Variants in PHF10 observed in about 807,000 individuals in gnomAD.
The protein encoded by PHF10 is BRG1-associated factor 45a.
In PHF10, 51 loss-of-function variants were observed where a neutral mutation model predicts 68.5. That is an observed-to-expected ratio of 0.74 (90% confidence interval 0.59 to 0.94). The LOEUF (loss-of-function observed/expected upper bound fraction) is 0.94, where lower values mean the gene tolerates loss of function less well. Among genes scored for constraint, PHF10 ranks in the 40% least tolerant of loss-of-function variants. The probability of loss-of-function intolerance (pLI) is 0.00; values close to 1 mark genes in which losing one functional copy is unlikely to be tolerated. For missense variants in PHF10, 460 were observed against 602.6 expected, an observed-to-expected ratio of 0.76 and a Z score of 2.48; for synonymous variants, 204 against 203.5, an observed-to-expected ratio of 1.00 and a Z score of -0.02.
chr6:169,714,228 C>A (rs1788992448), intron 7 of PHF10, among the ~76,000 whole-genome samples: 2 of 152,180 alleles, frequency 1.3e-5, no homozygotes, highest in African/African-American at 2.4e-5. Flanking sequence ...CAGGCCAGGT[C>A]AGCAATGTGG....
chr6:169,712,852 C>T (rs1374991654), intron 7 of PHF10, among the ~76,000 whole-genome samples: 1 of 152,150 alleles, frequency 6.6e-6, no homozygotes, highest in Non-Finnish European at 1.5e-5. Flanking sequence ...AGCTCACATC[C>T]ACCTCGACCA....
At chr6:169,716,193 G>A (rs1789043660) in intron 4 of PHF10, 105 bp from the exon 5 acceptor site, 1 of 598,872 alleles carries the variant, frequency 1.7e-6, no homozygotes, top group South Asian at 4.3e-5. Flanking sequence ...CGTTGTAATG[G>A]TTTTCCAATA....
At chr6:169,716,455 T>G (rs1210582135) in intron 4 of PHF10, among the ~76,000 whole-genome samples, 1 of 151,766 alleles carries the variant, frequency 6.6e-6, no homozygotes, top group Non-Finnish European at 1.5e-5. Context: ...TTCAACATAT[T>G]ATAGTTCCCA....
In PHF10 at chr6:169,705,662, TTTC is replaced by T. The variant is rs1224244859; in HGVS notation, c.1173_1175del (p.Lys392del). Reference sequence around the variant, plus strand: ...AGTGTATAAGTGATTCAGCCTTTCCTTTCTTGTTGGACTCCTTACCCTTCAGAC... The same window carrying T: ...AGTGTATAAGTGATTCAGCCTTTCCTTTGTTGGACTCCTTACCCTTCAGAC... On this transcript the variant is annotated inframe_deletion, in exon 10 of 12. Coordinates refer to ENST00000339209, the MANE Select transcript of PHF10 (RefSeq NM_018288.4). 1 of 1,588,904 alleles carries T rather than the reference TTTC, an allele frequency of 6.3e-7. No homozygotes were observed. Among genetic ancestry groups the T allele is most frequent in the East Asian group, 2.2e-5 (1 of 44,750 alleles).
chr6:169,722,782 G>A (rs973184994), intron 1 of PHF10, among the ~76,000 whole-genome samples: 1 of 152,182 alleles, frequency 6.6e-6, no homozygotes, highest in Non-Finnish European at 1.5e-5. Flanking sequence ...CAGAGTTACA[G>A]GTGGTTTCCA....
chr6:169,721,347 G>C (rs1160316199), intron 1 of PHF10, among the ~76,000 whole-genome samples: 1 of 152,042 alleles, frequency 6.6e-6, no homozygotes, highest in Non-Finnish European at 1.5e-5. Context: ...AATCTGCTTT[G>C]GTTTCTGCTC....
chr6:169,710,003 G>A, intron 9 of PHF10: 1 of 313,364 alleles, frequency 3.2e-6, no homozygotes. Flanking sequence ...GAAAAAAAAA[G>A]ACTTATAAAT....
At position 169,718,813 on chromosome 6, in the gene PHF10, C is replaced by A. The variant is rs1789112315; in HGVS notation, c.300G>T (p.Val100=). Residue 100 remains valine, a synonymous_variant, in exon 3 of 12, where the codon GTG becomes GTT. Transcript: ENST00000339209. The part of the protein sequence containing the change: ...LQEQVSEYLG[V]TSFKRKYPDL... ...CTGGATATTTCCTTTTAAAGGAGGT[C>A]ACACCCAAATATTCACTGACTTGTT... 1 of 1,580,474 alleles carries A rather than the reference C, an allele frequency of 6.3e-7. No individual in the cohort carries two copies. Among genetic ancestry groups the A allele is most frequent in the Non-Finnish European group, 8.7e-7 (1 of 1,152,444 alleles).
At chr6:169,710,552 C>G (rs1442868121) in intron 8 of PHF10, among the ~76,000 whole-genome samples, 161 bp from the exon 9 acceptor site, 5 of 152,064 alleles carry the variant, frequency 3.3e-5, no homozygotes, top group Non-Finnish European at 7.4e-5. Context: ...CCAGTGGAGA[C>G]TAAAGTAAGT....
At chr6:169,721,474 G>T (rs1789176031) in intron 1 of PHF10, among the ~76,000 whole-genome samples, 2 of 152,162 alleles carry the variant, frequency 1.3e-5, no homozygotes, top group South Asian at 4.1e-4. Context: ...CTTGAAGCCG[G>T]TTCATAGGAC....
intron 6 of PHF10, among the ~76,000 whole-genome samples, chr6:169,715,271 CAA>C (rs915055802): frequency 5.9e-5 from 9 of 152,044 alleles, no homozygotes; most frequent in African/African-American, 2.2e-4. Flanking sequence ...AACCGTAAAG[CAA>C]AAGACATCTC....
intron 2 of PHF10, among the ~76,000 whole-genome samples, chr6:169,719,942 T>C (rs1562988791): frequency 1.3e-5 from 2 of 151,324 alleles, no homozygotes; most frequent in African/African-American, 4.9e-5. Flanking sequence ...GAAGTATTAA[T>C]ATATAAAATA....
In PHF10 at chr6:169,715,846, T is replaced by C; in HGVS notation, c.555A>G (p.Gln185=). 1 of 1,608,652 alleles carries C rather than the reference T, an allele frequency of 6.2e-7. No individual in the cohort carries two copies. The highest frequency in any genetic ancestry group is 8.5e-7 in the Non-Finnish European group (1 of 1,177,656). Residue 185 remains glutamine, a synonymous_variant, in exon 6 of 12, where the codon CAA becomes CAG. Transcript: ENST00000339209. ...TGGCTTCAACTTTCTGAGTATTCTG[T>C]TGTTGCATTTGCTGGAAAAAAAAAA... ...DHYKEYSQMQ[Q]QNTQKVEASK...
Position 169,705,291 on chromosome 6 carries a change from T to G in PHF10, c.1253A>C (p.Glu418Ala). ...GHPSCLDMTMELVSMIKTYPW... is the reference protein window; with the variant it reads ...GHPSCLDMTMALVSMIKTYPW... ...GTAGGTCTTAATCATAGAAACAAGC[T>G]CCATTGTCATATCCAGGCAAGAAGG... The change falls in exon 11 of 12, where the codon GAG becomes GCG. Residue 418 changes from glutamate (E) to alanine (A), a missense_variant. Physicochemically the swap from Glu to Ala is moderately radical, Grantham distance 107 (BLOSUM62 -1). This residue lies in a region of PHF10 where 111 missense variants were observed against 109.7 expected (regional missense o/e 1.01). Coordinates refer to ENST00000339209, the MANE Select transcript of PHF10 (RefSeq NM_018288.4). 6.2e-7 allele frequency: 1 copy of G among 1,612,414 alleles called. No homozygotes were observed. The highest frequency in any genetic ancestry group is 1.1e-5 in the South Asian group (1 of 90,690).
chr6:169,706,021 C>A (rs1178123834), intron 9 of PHF10, among the ~76,000 whole-genome samples: 2 of 152,124 alleles, frequency 1.3e-5, no homozygotes, highest in Admixed American at 1.3e-4. Flanking sequence ...AGACTAAATA[C>A]AATGTCAAAT....
chr6:169,705,239 T>C lies in PHF10; in HGVS notation c.1305A>G (p.Thr435=), dbSNP rs1316102446. 5 of 1,613,224 alleles carry C rather than the reference T, an allele frequency of 3.1e-6. No homozygotes were observed. Among genetic ancestry groups the C allele is most frequent in the Non-Finnish European group, 4.2e-6 (5 of 1,179,184 alleles). Residue 435 remains threonine (T), a synonymous_variant, in exon 11 of 12, where the codon ACA becomes ACG. Transcript: ENST00000339209. ...TYPWQCMECK[T]CIICGQPHHE... ...GGTGGGGTTGTCCACATATAATGCA[T>C]GTTTTACATTCCATACACTGCCATG...
intron 2 of PHF10, among the ~76,000 whole-genome samples, chr6:169,720,785 AAATG>A (rs1789157538): frequency 6.6e-6 from 1 of 152,230 alleles, no homozygotes; most frequent in Admixed American, 6.5e-5. Context: ...AAAATTGTTA[AAATG>A]ATTAATTTTA....
chr6:169,711,491 T>C (rs1036705243), intron 8 of PHF10, among the ~76,000 whole-genome samples: 1 of 152,210 alleles, frequency 6.6e-6, no homozygotes, highest in Non-Finnish European at 1.5e-5. Context: ...TCAAATACTA[T>C]GGAACTTAAA....
chr6:169,724,470 G>A lies in PHF10; in HGVS notation c.-539C>T, dbSNP rs1172675513. Among the ~76,000 whole-genome samples the A allele has an allele frequency of 1.1e-5, 1 of 88,870 alleles. No individual in the cohort carries two copies. Among genetic ancestry groups the A allele is most frequent in the Admixed American group, 1.4e-4 (1 of 7,300 alleles). The allele number at this position is 88,870 out of a possible 152,430, so 58.3% of individuals were successfully genotyped here. A position where few individuals can be genotyped will look rare whatever the true frequency, so the allele number is the denominator to read the frequency against. On this transcript the variant is annotated 5_prime_UTR_variant, in exon 1 of 12. Coordinates refer to ENST00000339209, the MANE Select transcript of PHF10 (RefSeq NM_018288.4). ...CCGCGGCCGCCTCAGCCCCGCCGCC[G>A]CCTGGCTCCCCACGGCCCGGCGTTG...
Sources: gnomAD v4.1 joint callset for allele counts (sites outside exome capture counted in the v4.1 genomes callset) on GRCh38, gnomAD v4.1.1 for gene constraint, gnomAD v4.1.1 regional missense constraint, MANE v1.5 for transcripts, NCBI Gene and HGNC (gene_info 2026-07-23, HGNC 2026-07-21) for gene names.